The following ICE1 variants were observed in gnomAD, a reference collection of about 807,000 sequenced individuals.
The protein encoded by ICE1 is interactor of little elongation complex ELL subunit 1.
ICE1 carries 64 observed loss-of-function variants against 192.7 expected under a neutral mutation model. That is an observed-to-expected ratio of 0.33 (90% confidence interval 0.27 to 0.41). The LOEUF is 0.41. Among genes scored for constraint, ICE1 ranks in the 10% least tolerant of loss-of-function variants. ICE1 has a pLI of 1.00. For synonymous variants in ICE1, 1,010 were observed against 984.5 expected (o/e 1.03, Z -0.49); for missense variants, 2,708 against 2,696.0 (o/e 1.00, Z -0.10).
chr5:5,460,223 G>C (rs1332058299), intron 12 of ICE1, among the ~76,000 whole-genome samples: 1 of 152,178 alleles, frequency 6.6e-6, no homozygotes, highest in African/African-American at 2.4e-5. Flanking sequence ...GTCTCTGCGG[G>C]GTGCTGGGCA....
intron 12 of ICE1, among the ~76,000 whole-genome samples, chr5:5,459,828 G>T (rs1383801761): frequency 6.6e-6 from 1 of 152,152 alleles, no homozygotes; most frequent in Non-Finnish European, 1.5e-5. Flanking sequence ...TGGGGGTCAG[G>T]GAAAGGTTCT....
In ICE1 at chr5:5,460,985, G is replaced by A. The variant is rs538423183; in HGVS notation, c.1651G>A (p.Val551Ile). 6.8e-6 allele frequency: 11 copies of A among 1,614,016 alleles called. No homozygotes were observed. Among genetic ancestry groups the A allele is most frequent in the East Asian group, 2.2e-5 (1 of 44,882 alleles). The stretch of plus-strand genomic sequence containing the variant: ...ACTCATGGAATCTGAAGGAAAAACC[G>A]TATTGTCTAAAATGATGGGATCGCC... ...NELMESEGKT[V>I]LSKMMGSPKS... The change falls in exon 13 of 19, where the codon GTA becomes ATA. Residue 551 changes from valine to isoleucine, a missense_variant. Physicochemically the swap from Val to Ile is conservative, Grantham distance 29. Transcript: ENST00000296564.
intron 13 of ICE1, among the ~76,000 whole-genome samples, chr5:5,465,681 T>G (rs1474552877): frequency 6.6e-6 from 1 of 152,218 alleles, no homozygotes; most frequent in Non-Finnish European, 1.5e-5. Flanking sequence ...TAGTTCTATA[T>G]TTTCTAAATA....
chr5:5,460,382 G>A, intron 12 of ICE1, 54 bp from the exon 13 acceptor site: 8 of 1,061,308 alleles, frequency 7.5e-6, no homozygotes, highest in Non-Finnish European at 1.1e-5. Flanking sequence ...TTAATTGATA[G>A]TCATGTTAAT....
intron 3 of ICE1, chr5:5,437,404 A>G (rs534520079): frequency 2.2e-5 from 6 of 275,060 alleles, no homozygotes; most frequent in Admixed American, 5.0e-5. Flanking sequence ...AGGATGTGGC[A>G]TGTTTTTTAG....
At position 5,463,877 on chromosome 5, in the gene ICE1, G is replaced by A. The variant is rs775115789; in HGVS notation, c.4543G>A (p.Val1515Ile). 2.5e-6 allele frequency: 4 copies of A among 1,613,880 alleles called. No homozygotes were observed. The highest frequency in any genetic ancestry group is 2.7e-5 in the African/African-American group (2 of 75,028). Residue 1515 changes from valine to isoleucine, a missense_variant, in exon 13 of 19, where the codon GTT (valine) becomes ATT (isoleucine). By Grantham distance (29) the Val-to-Ile change is conservative. Around this residue, in one of 2 missense-constraint regions of ICE1, gnomAD observed 2,366 missense variants for 2,276.6 expected, o/e 1.04. Coordinates refer to ENST00000296564, the MANE Select transcript of ICE1 (RefSeq NM_015325.3). ...TAAGAGTCGTTTGCGAAATAGACCC[G>A]TTAAGCCTAGTATATGGATTAGTTC... ...FDKSRLRNRPVKPSIWISSQI... is the reference protein window; with the variant it reads ...FDKSRLRNRPIKPSIWISSQI...
intron 17 of ICE1, among the ~76,000 whole-genome samples, chr5:5,484,496 A>T (rs529457042): frequency 6.6e-6 from 1 of 152,210 alleles, no homozygotes; most frequent in South Asian, 2.1e-4. Context: ...GATTGCAAAG[A>T]GATATTTGAA....
chr5:5,460,461 A>T lies in ICE1; in HGVS notation c.1127A>T (p.Asp376Val), dbSNP rs772195696. Residue 376 changes from aspartate to valine, a missense_variant, in exon 13 of 19, where the codon GAT becomes GTT. Transcript: ENST00000296564. ...APETYFGEYT[D>V]SSDNDSVQLR... ...GAAACCTACTTTGGAGAATACACAG[A>T]TTCCAGCGATAATGACTCAGTCCAG... 53 of 1,597,608 alleles carry T rather than the reference A, an allele frequency of 3.3e-5. No individual in the cohort carries two copies. Among genetic ancestry groups the T allele is most frequent in the Non-Finnish European group, 4.4e-5 (51 of 1,171,630 alleles).
chr5:5,485,586 T>A (rs745376336), intron 17 of ICE1, among the ~76,000 whole-genome samples: 1 of 152,372 alleles, frequency 6.6e-6, no homozygotes, highest in Non-Finnish European at 1.5e-5. Context: ...GTGTGAAATC[T>A]GAAATGCTGT....
In ICE1 at chr5:5,462,372, G is replaced by T; in HGVS notation, c.3038G>T (p.Gly1013Val). 1.9e-6 allele frequency: 3 copies of T among 1,613,994 alleles called. No individual in the cohort carries two copies. The highest frequency in any genetic ancestry group is 2.2e-5 in the East Asian group (1 of 44,884). Residue 1013 changes from glycine (G) to valine (V), a missense_variant, in exon 13 of 19, where the codon GGG becomes GTG. Around this residue, in one of 2 missense-constraint regions of ICE1, gnomAD observed 2,366 missense variants for 2,276.6 expected, o/e 1.04. Transcript: ENST00000296564. ...GCCACAGAAGTGACTGTGTCAGGAG[G>T]GTTTTCTGTTGAAGAAACCAGCTGT... is the stretch of plus-strand genomic sequence containing the variant. ...LPATEVTVSG[G>V]FSVEETSCGD...
intron 16 of ICE1, among the ~76,000 whole-genome samples, chr5:5,475,208 A>G (rs1487904479): frequency 6.6e-6 from 1 of 152,092 alleles, no homozygotes; most frequent in Non-Finnish European, 1.5e-5. Context: ...ACATCATCAA[A>G]CATGAGGATC....
chr5:5,427,091 C>CT (rs771477911), intron 1 of ICE1, among the ~76,000 whole-genome samples: 9 of 152,162 alleles, frequency 5.9e-5, no homozygotes, highest in Non-Finnish European at 1.2e-4. Context: ...CCTCCCTGTC[C>CT]TTTTTTTCTT....
intron 1 of ICE1, among the ~76,000 whole-genome samples, chr5:5,435,907 T>TA (rs1457743795): frequency 1.3e-5 from 2 of 152,080 alleles, no homozygotes; most frequent in African/African-American, 4.8e-5. Flanking sequence ...TGACCTCAGG[T>TA]AATCCGCCTC....
intron 13 of ICE1, among the ~76,000 whole-genome samples, chr5:5,466,107 C>CCATAGGAAACAG (rs1738976321): frequency 1.3e-5 from 2 of 152,256 alleles, no homozygotes; most frequent in South Asian, 4.1e-4. Flanking sequence ...CATTTACCAG[C>CCATAGGAAACAG]CATAGGAAAC....
intron 1 of ICE1, among the ~76,000 whole-genome samples, chr5:5,424,841 CAAG>C (rs1341711117): frequency 1.3e-5 from 2 of 152,146 alleles, no homozygotes; most frequent in African/African-American, 4.8e-5. Flanking sequence ...TTGGGAAGAG[CAAG>C]AAGGCCAGTG....
At chr5:5,478,832 A>G (rs2079433155) in intron 17 of ICE1, among the ~76,000 whole-genome samples, 1 of 152,230 alleles carries the variant, frequency 6.6e-6, no homozygotes, top group Non-Finnish European at 1.5e-5. Context: ...AACCTGATAA[A>G]AACAAGCAAC....
intron 16 of ICE1, among the ~76,000 whole-genome samples, chr5:5,475,362 T>G (rs1739277482): frequency 2.0e-5 from 3 of 152,056 alleles, no homozygotes; most frequent in Admixed American, 1.3e-4. Flanking sequence ...GAGTTTGGAG[T>G]GCTTTTAATT....
chr5:5,445,801 C>T (rs937761530), intron 7 of ICE1, among the ~76,000 whole-genome samples: 1 of 149,636 alleles, frequency 6.7e-6, no homozygotes, highest in African/African-American at 2.5e-5. Flanking sequence ...GGCGTGATCT[C>T]GGCTCTCTAC....
intron 10 of ICE1, among the ~76,000 whole-genome samples, chr5:5,449,605 T>C (rs1738354892): frequency 1.3e-5 from 2 of 152,146 alleles, no homozygotes; most frequent in Non-Finnish European, 2.9e-5. Flanking sequence ...TCTCACAAAG[T>C]AAGTTTTCAT....
Sources: gnomAD v4.1 joint callset for allele counts (sites outside exome capture counted in the v4.1 genomes callset) on GRCh38, gnomAD v4.1.1 for gene constraint, gnomAD v4.1.1 regional missense constraint, MANE v1.5 for transcripts, NCBI Gene and HGNC (gene_info 2026-07-23, HGNC 2026-07-21) for gene names.